The following RAC1 variants were observed in gnomAD, a reference collection of about 807,000 sequenced individuals.
RAC1 encodes the protein Rac family small GTPase 1, also known as ras-related C3 botulinum toxin substrate 1.
A neutral mutation model predicts 25.2 loss-of-function variants in RAC1; 2 were observed. The ratio of observed to expected loss-of-function variants is 0.08; its 90% CI spans 0.03 to 0.25. The LOEUF (loss-of-function observed/expected upper bound fraction) is 0.25. Among genes scored for constraint, RAC1 ranks in the 10% least tolerant of loss-of-function variants. RAC1 has a pLI of 1.00. For synonymous variants in RAC1, 88 were observed against 94.0 expected, an observed-to-expected ratio of 0.94 and a Z score of 0.37; for missense variants, 50 against 235.7, an observed-to-expected ratio of 0.21 and a Z score of 5.16.
intron 4 of RAC1, among the ~76,000 whole-genome samples, chr7:6,401,102 C>T (rs1309780716): frequency 6.6e-6 from 1 of 152,072 alleles, no homozygotes; most frequent in Non-Finnish European, 1.5e-5. Flanking sequence ...ATTACAGGTG[C>T]CCGCCAACAC....
At chr7:6,394,035 A>T (rs963615867) in intron 3 of RAC1, among the ~76,000 whole-genome samples, 1 of 152,152 alleles carries the variant, frequency 6.6e-6, no homozygotes, top group Non-Finnish European at 1.5e-5. Flanking sequence ...ATTTTGTACT[A>T]CATGGAATGT....
At chr7:6,376,486 A>ATTTTTTTTTTTTTTTTT (rs544818669) in intron 1 of RAC1, among the ~76,000 whole-genome samples, 1 of 122,922 alleles carries the variant, frequency 8.1e-6, no homozygotes, top group African/African-American at 3.1e-5. Context: ...GCCCGGCCCA[A>ATTTTTTTTTTTTTTTTT]TTTTTTTTTT....
chr7:6,388,706 T>C (rs1228843614), intron 2 of RAC1, among the ~76,000 whole-genome samples: 1 of 152,140 alleles, frequency 6.6e-6, no homozygotes, highest in African/African-American at 2.4e-5. Flanking sequence ...ATTTTCCTTA[T>C]CTACATATGT....
rs148122613 is a variant in RAC1 at position 6,398,712 on chromosome 7, G to A, written c.226-1414G>A. The A allele has an allele frequency of 3.5e-5, 57 of 1,613,422 alleles. No homozygotes were observed. In the African/African-American group the frequency reaches 4.5e-4, roughly 13 times the overall value. On this transcript the variant is annotated intron_variant, in intron 3 of 5. Coordinates refer to ENST00000348035, the MANE Select transcript of RAC1 (RefSeq NM_006908.5). ...TAACCTCCCGGGGCAAAGACAAGCC[G>A]ATTGCCGTATGTAAAACTTTCAGTC...
intron 1 of RAC1, among the ~76,000 whole-genome samples, chr7:6,376,882 A>T (rs1266156950): frequency 6.7e-6 from 1 of 150,306 alleles, no homozygotes; most frequent in African/African-American, 2.5e-5. Context: ...ATACTAACCG[A>T]TTGTGGACCT....
intron 1 of RAC1, among the ~76,000 whole-genome samples, chr7:6,379,851 C>T (rs985015762): frequency 5.3e-5 from 8 of 152,146 alleles, no homozygotes; most frequent in African/African-American, 1.9e-4. Context: ...TGGGTTCAAG[C>T]AGTTCTCCTG....
chr7:6,383,846 A>G (rs1027481619), intron 1 of RAC1, among the ~76,000 whole-genome samples: 1 of 107,752 alleles, frequency 9.3e-6, no homozygotes, highest in Non-Finnish European at 1.7e-5. Context: ...CTTGTTGCCC[A>G]GGCTGGAGTG....
chr7:6,395,642 A>G (rs1433625122), intron 3 of RAC1, among the ~76,000 whole-genome samples: 2 of 152,190 alleles, frequency 1.3e-5, no homozygotes, highest in Non-Finnish European at 2.9e-5. Flanking sequence ...GCACAGTCAC[A>G]CAGGTGACCT....
intron 2 of RAC1, among the ~76,000 whole-genome samples, chr7:6,391,220 C>CTT (rs111691263): frequency 3.5e-5 from 5 of 144,376 alleles, no homozygotes; most frequent in Admixed American, 6.9e-5. Flanking sequence ...TATATTTTTC[C>CTT]TTTTTTTTTT....
intron 1 of RAC1, among the ~76,000 whole-genome samples, chr7:6,382,170 T>A (rs1043912960): frequency 6.6e-6 from 1 of 152,098 alleles, no homozygotes; most frequent in Non-Finnish European, 1.5e-5. Context: ...ATTTTTTGTA[T>A]TTTTAATAGA....
intron 1 of RAC1, among the ~76,000 whole-genome samples, chr7:6,380,737 A>G (rs1286916439): frequency 2.0e-5 from 3 of 152,170 alleles, no homozygotes; most frequent in South Asian, 2.1e-4. Flanking sequence ...GCACATACCC[A>G]TGGCCTGGAT....
chr7:6,395,301 T>TGTGA (rs1477520156), intron 3 of RAC1, among the ~76,000 whole-genome samples: 1 of 151,906 alleles, frequency 6.6e-6, no homozygotes, highest in Non-Finnish European at 1.5e-5. Flanking sequence ...GCTAGACTCC[T>TGTGA]GTGATGGTAG....
chr7:6,402,642 T>G lies in RAC1; in HGVS notation c.*196T>G, dbSNP rs36030054. 1 of 503,982 alleles carries G rather than the reference T, an allele frequency of 2.0e-6. No individual in the cohort carries two copies. Among genetic ancestry groups the G allele is most frequent in the Admixed American group, 4.1e-5 (1 of 24,648 alleles). The allele number at this position is 503,982 out of a possible 1,614,324, so 31.2% of individuals were successfully genotyped here. A position where few individuals can be genotyped will look rare whatever the true frequency, so the allele number is the denominator to read the frequency against. On this transcript the variant is annotated 3_prime_UTR_variant, in exon 6 of 6. Transcript: ENST00000348035. ...AGTAATTTTAAGGTTTTGTTTGTTC[T>G]AAATGTAAGAGTTCAGACTCACATT...
At position 6,403,723 on chromosome 7, in the gene RAC1, C is replaced by A. The variant is rs1052662573; in HGVS notation, c.*1277C>A. 6 of 209,828 alleles carry A rather than the reference C, an allele frequency of 2.9e-5. No individual in the cohort carries two copies. Among genetic ancestry groups the A allele is most frequent in the African/African-American group, 1.4e-4 (6 of 43,996 alleles). 13.0% of individuals were successfully genotyped at this position (209,828 alleles called of 1,614,324 possible). On this transcript the variant is annotated 3_prime_UTR_variant, in exon 6 of 6. Transcript: ENST00000348035. ...ACCTCGCCCACGCGGACACACGCCT[C>A]CTGTAGTCGCTTTGCCTATTGATGT...
chr7:6,387,429 G>C, intron 2 of RAC1, 146 bp downstream of exon 2: 1 of 627,774 alleles, frequency 1.6e-6, no homozygotes, highest in South Asian at 2.1e-5. Flanking sequence ...CTAATTATAA[G>C]GTATATTAGG....
chr7:6,382,996 A>G (rs190913482), intron 1 of RAC1, among the ~76,000 whole-genome samples: 1 of 152,258 alleles, frequency 6.6e-6, no homozygotes, highest in African/African-American at 2.4e-5. Context: ...TTGTAGCATC[A>G]TGAGCTAGGG....
intron 3 of RAC1, among the ~76,000 whole-genome samples, chr7:6,393,382 C>A (rs921829594): frequency 6.6e-6 from 1 of 152,178 alleles, no homozygotes; most frequent in African/African-American, 2.4e-5. Context: ...CTTCAGCCCA[C>A]TGGACACATG....
At chr7:6,391,429 G>C (rs1783089799) in intron 2 of RAC1, 2 of 156,562 alleles carry the variant, frequency 1.3e-5, no homozygotes, top group Admixed American at 1.3e-4. Flanking sequence ...CACTCACTTT[G>C]AAAATGTTAT....
At chr7:6,392,097 C>G (rs964279267) in intron 3 of RAC1, 56 bp downstream of exon 3, 2 of 1,607,976 alleles carry the variant, frequency 1.2e-6, no homozygotes, top group Admixed American at 3.3e-5. Flanking sequence ...TTCTCGAGCG[C>G]TTAATTAGTG....
Sources: gnomAD v4.1 joint callset for allele counts (sites outside exome capture counted in the v4.1 genomes callset) on GRCh38, gnomAD v4.1.1 for gene constraint, MANE v1.5 for transcripts, NCBI Gene and HGNC (gene_info 2026-07-23, HGNC 2026-07-21) for gene names.